DNAH5: variants seen among roughly 807,000 people sequenced by gnomAD.
The protein encoded by DNAH5 is dynein axonemal heavy chain 5.
A neutral mutation model predicts 518.2 loss-of-function variants in DNAH5; 372 were observed. That is an observed-to-expected ratio of 0.72 (90% CI 0.66 to 0.78). The LOEUF is 0.78. DNAH5 is among the 30% of genes least tolerant of loss of function. DNAH5 has a pLI of 0.00. For missense variants in DNAH5, 5,523 were observed against 5,687.0 expected (o/e 0.97, Z 0.93); for synonymous variants, 2,039 against 2,025.9 (o/e 1.01, Z -0.17).
chr5:13,875,465 CAA>C (rs70964513), intron 22 of DNAH5, among the ~76,000 whole-genome samples: 8,417 of 105,880 alleles, frequency 0.079, 296 homozygotes, highest in Admixed American at 0.15. Context: ...GAAACTCCTT[CAA>C]AAAAAAAAAA....
intron 1 of DNAH5, among the ~76,000 whole-genome samples, chr5:13,938,310 G>A (rs1013337958): frequency 3.3e-5 from 5 of 152,076 alleles, no homozygotes; most frequent in African/African-American, 9.7e-5. Context: ...AATGCCTACA[G>A]CATTCACCTC....
At chr5:13,923,629 T>C (rs527461234) in intron 3 of DNAH5, among the ~76,000 whole-genome samples, 189 bp from the exon 4 acceptor site, 2 of 152,288 alleles carry the variant, frequency 1.3e-5, no homozygotes, top group South Asian at 4.1e-4. Context: ...TGATTCCAGA[T>C]CATAGGTTCA....
rs1226712032 is a variant in DNAH5, at chr5:13,891,064, G to A, written c.2489C>T (p.Ala830Val). 4.3e-6 allele frequency: 7 copies of A among 1,614,056 alleles called. No individual in the cohort carries two copies. Among genetic ancestry groups the A allele is most frequent in the Non-Finnish European group, 5.9e-6 (7 of 1,179,972 alleles). ...VNDLIEFRID[A>V]ILEEMSSTPL... ...CGTGCTGCTCATTTCTTCTAGAATG[G>A]CATCAATGCGGAACTCAATCAAATC... is the stretch of plus-strand genomic sequence containing the variant. The change falls in exon 17 of 79, where the codon GCC (alanine) becomes GTC (valine). Residue 830 changes from alanine (A) to valine (V), a missense_variant. Physicochemically the swap from Ala to Val is moderately conservative, Grantham distance 64 (BLOSUM62 0). This residue lies in a region of DNAH5 where 5,121 missense variants were observed against 5,223.3 expected (regional missense o/e 0.98). Transcript: ENST00000265104.
chr5:13,777,431 T>C (rs1378888293), intron 53 of DNAH5, 76 bp from the exon 54 acceptor site: 1 of 1,370,684 alleles, frequency 7.3e-7, no homozygotes, highest in Non-Finnish European at 1.0e-6. Flanking sequence ...CAACGCATTA[T>C]GCCATTTAGC....
chr5:13,843,261 C>A (rs959241243), intron 32 of DNAH5, among the ~76,000 whole-genome samples: 2 of 152,042 alleles, frequency 1.3e-5, no homozygotes, highest in Non-Finnish European at 2.9e-5. Context: ...CCTTTCATTC[C>A]GCCTCCTACA....
At chr5:13,799,333 A>G (rs1758379017) in intron 47 of DNAH5, among the ~76,000 whole-genome samples, 1 of 152,040 alleles carries the variant, frequency 6.6e-6, no homozygotes, top group Non-Finnish European at 1.5e-5. Flanking sequence ...TAATGAGAAC[A>G]CTTTTTGGCA....
At position 13,722,235 on chromosome 5, in the gene DNAH5, G is replaced by A. The variant is rs116537372; in HGVS notation, c.12034-990C>T. ...AATCAGACAGATTTCAGATAGACCC[G>A]GATCAAAGGGGAGCCAGAGCTGGTT... On this transcript the variant is annotated intron_variant, in intron 70 of 78. Coordinates refer to ENST00000265104, the MANE Select transcript of DNAH5 (RefSeq NM_001369.3). Among the ~76,000 whole-genome samples, 591 of 152,208 alleles carry A rather than the reference G, an allele frequency of 3.9e-3. 6 individuals carry two copies. Among genetic ancestry groups the A allele is most frequent in the African/African-American group, 0.011 (441 of 41,530 alleles).
intron 53 of DNAH5, 152 bp downstream of exon 53, chr5:13,780,677 A>G: frequency 1.1e-6 from 1 of 893,342 alleles, no homozygotes; most frequent in Non-Finnish European, 1.8e-6. Flanking sequence ...ATCTATGACA[A>G]AGGTTGACAG....
At chr5:13,819,735 G>A (rs1318890111) in intron 41 of DNAH5, among the ~76,000 whole-genome samples, 3 of 152,114 alleles carry the variant, frequency 2.0e-5, no homozygotes, top group South Asian at 2.1e-4. Context: ...ATCCTTAGAT[G>A]ACTTTAGATG....
Position 13,769,101 on chromosome 5 carries a change from A to T in DNAH5, c.9756T>A (p.Ala3252=). The change falls in exon 58 of 79, where the codon GCT becomes GCA. Residue 3252 remains alanine (A), a synonymous_variant. Coordinates refer to ENST00000265104, the MANE Select transcript of DNAH5 (RefSeq NM_001369.3). ...TCTGTACCTCAGCCTTGACCTTTTC[A>T]GCAGCCTGTGCTTTCATTGTCACTT... ...LKEVTMKAQA[A]EKVKAEVQKV... The T allele has an allele frequency of 6.2e-7, 1 of 1,614,206 alleles. No individual in the cohort carries two copies. The highest frequency in any genetic ancestry group is 8.5e-7 in the Non-Finnish European group (1 of 1,180,034).
At chr5:13,870,666 G>T in intron 24 of DNAH5, 101 bp downstream of exon 24, 1 of 1,072,376 alleles carries the variant, frequency 9.3e-7, no homozygotes, top group African/African-American at 1.6e-5. Flanking sequence ...TCTTGGTTTA[G>T]TAACCATTTA....
rs1313014438 is a variant in DNAH5 at position 13,950,860 on chromosome 5, A to T, written c.13-19616T>A. Among the ~76,000 whole-genome samples, 5 of 152,338 alleles carry T rather than the reference A, an allele frequency of 3.3e-5. No individual in the cohort carries two copies. The South Asian group carries it at 6.2e-4, about 19-fold the overall frequency. On this transcript the variant is annotated intron_variant, in intron 1 of 78. Coordinates refer to the DNAH5 transcript ENST00000681290. ...ATTATGGCATATAGAACCAAGAAAA[A>T]AAAAACTTCTTTATTAGAAGCTTGT...
chr5:13,818,131 A>T (rs1055280595), intron 41 of DNAH5, among the ~76,000 whole-genome samples: 2 of 152,230 alleles, frequency 1.3e-5, no homozygotes, highest in African/African-American at 4.8e-5. Flanking sequence ...GAAAACGATA[A>T]GCTAAATGAA....
At position 13,883,023 on chromosome 5, in the gene DNAH5, G is replaced by C; in HGVS notation, c.3055C>G (p.Pro1019Ala). ...AGGGCAGGGGCCATGACGATGTTGGGAATGGCCAGAGTGACGCTTGCCCGG... is the reference window on the plus strand; with the variant it reads ...AGGGCAGGGGCCATGACGATGTTGGCAATGGCCAGAGTGACGCTTGCCCGG... ...IFRASVTLAI[P>A]NIVMAPALED... Residue 1019 changes from proline (P) to alanine (A), a missense_variant, in exon 20 of 79, where the codon CCC becomes GCC. By Grantham distance (27) the Pro-to-Ala change is conservative. Around this residue, in one of 3 missense-constraint regions of DNAH5, gnomAD observed 5,121 missense variants for 5,223.3 expected, o/e 0.98. Coordinates refer to ENST00000265104, the MANE Select transcript of DNAH5 (RefSeq NM_001369.3). The C allele has an allele frequency of 6.2e-7, 1 of 1,614,180 alleles. No homozygotes were observed. Among genetic ancestry groups the C allele is most frequent in the Non-Finnish European group, 8.5e-7 (1 of 1,180,028 alleles).
chr5:13,935,425 A>T (rs987550505), intron 1 of DNAH5, among the ~76,000 whole-genome samples: 74 of 152,238 alleles, frequency 4.9e-4, no homozygotes, highest in African/African-American at 1.8e-3. Flanking sequence ...ATATAAAGCT[A>T]ATTATTGACA....
At chr5:13,830,247 G>A (rs754363948) in intron 36 of DNAH5, 34 bp from the exon 37 acceptor site, 4 of 1,584,338 alleles carry the variant, frequency 2.5e-6, no homozygotes, top group Non-Finnish European at 3.5e-6. Flanking sequence ...AATCCAATTA[G>A]TATATAATTT....
intron 47 of DNAH5, among the ~76,000 whole-genome samples, chr5:13,800,248 C>T (rs1301287632): frequency 6.6e-6 from 1 of 152,232 alleles, no homozygotes; most frequent in Admixed American, 6.5e-5. Context: ...TAGGCATGTT[C>T]CTCCTGTATT....
intron 60 of DNAH5, among the ~76,000 whole-genome samples, chr5:13,759,394 A>G (rs1437784702): frequency 6.6e-6 from 1 of 152,260 alleles, no homozygotes; most frequent in Non-Finnish European, 1.5e-5. Context: ...AGAACACTGT[A>G]ATATTAAATG....
chr5:13,806,669 A>G (rs1247579347), intron 47 of DNAH5, among the ~76,000 whole-genome samples: 2 of 152,226 alleles, frequency 1.3e-5, no homozygotes, highest in Admixed American at 6.5e-5. Flanking sequence ...ATAATTTGCA[A>G]ATCACTGAAG....
Sources: gnomAD v4.1 joint callset for allele counts (sites outside exome capture counted in the v4.1 genomes callset) on GRCh38, gnomAD v4.1.1 for gene constraint, gnomAD v4.1.1 regional missense constraint, MANE v1.5 for transcripts, NCBI Gene and HGNC (gene_info 2026-07-23, HGNC 2026-07-21) for gene names.